The following TECRL variants were observed in gnomAD, a reference collection of about 807,000 sequenced individuals.
TECRL encodes trans-2,3-enoyl-CoA reductase-like.
In TECRL, 63 loss-of-function variants were observed where a neutral mutation model predicts 52.8. That is an observed-to-expected ratio of 1.19 (90% confidence interval 0.97 to 1.47). TECRL has a LOEUF of 1.47. Among genes scored for constraint, TECRL ranks in the 40% most tolerant of loss-of-function variants. The pLI is 0.00. For synonymous variants in TECRL, 164 were observed against 141.9 expected (o/e 1.16, Z -1.10); for missense variants, 482 against 429.6 (o/e 1.12, Z -1.08).
At chr4:64,374,944 AAAC>A (rs978645799) in intron 2 of TECRL, among the ~76,000 whole-genome samples, 2 of 152,156 alleles carry the variant, frequency 1.3e-5, no homozygotes, top group East Asian at 1.9e-4. Flanking sequence ...TATAAATTAA[AAAC>A]AACTTTGTGA....
chr4:64,380,160 A>G (rs570953296), intron 1 of TECRL, among the ~76,000 whole-genome samples: 19 of 152,084 alleles, frequency 1.2e-4, no homozygotes, highest in African/African-American at 4.3e-4. Flanking sequence ...GATGTTGACC[A>G]CTTTGTTATA....
At chr4:64,327,764 G>C (rs1009850129) in intron 3 of TECRL, among the ~76,000 whole-genome samples, 9 of 151,912 alleles carry the variant, frequency 5.9e-5, no homozygotes, top group African/African-American at 2.2e-4. Flanking sequence ...TTAAGTGCAT[G>C]TAATACCTAA....
In TECRL at chr4:64,409,202, T is replaced by G; in HGVS notation, c.150A>C (p.Pro50=). 2 of 1,612,900 alleles carry G rather than the reference T, an allele frequency of 1.2e-6. No homozygotes were observed. The highest frequency in any genetic ancestry group is 2.2e-5 in the South Asian group (2 of 91,052). Residue 50 remains proline (P), a synonymous_variant, in exon 1 of 12, where the codon CCA becomes CCC. Transcript: ENST00000381210. ...VLSAGPLRPT[P]AVKHSKTTHF... ...GAGTCGTTTTTGAATGTTTGACTGC[T>G]GGAGTTGGTCTTAGAGGGCCCGCTG...
chr4:64,393,784 C>A (rs1450835400), intron 1 of TECRL, among the ~76,000 whole-genome samples: 1 of 151,720 alleles, frequency 6.6e-6, no homozygotes, highest in Non-Finnish European at 1.5e-5. Context: ...AAATTATTAT[C>A]TGGAGTGTTC....
At chr4:64,282,893 AGTT>A in intron 9 of TECRL, among the ~76,000 whole-genome samples, 1 of 152,202 alleles carries the variant, frequency 6.6e-6, no homozygotes, top group Non-Finnish European at 1.5e-5. Context: ...CTCAACCTAT[AGTT>A]ATTATAATAG....
chr4:64,277,117 G>A (rs1483712), downstream of TECRL: 2 of 1,134,214 alleles, frequency 1.8e-6, no homozygotes, highest in Non-Finnish European at 2.5e-6. Flanking sequence ...CTTTAACTAA[G>A]GTATGTCTGC....
At chr4:64,289,849 C>T (rs998714015) in intron 8 of TECRL, 82 bp from the exon 9 acceptor site, 34 of 820,124 alleles carry the variant, frequency 4.1e-5, no homozygotes, top group Middle Eastern at 4.8e-4. Context: ...TATATAAAAT[C>T]TGTGTTGTAC....
At chr4:64,369,749 G>T (rs187739674) in intron 2 of TECRL, among the ~76,000 whole-genome samples, 9 of 151,898 alleles carry the variant, frequency 5.9e-5, no homozygotes, top group African/African-American at 2.2e-4. Flanking sequence ...TCATAGTATT[G>T]TCACAATTAT....
intron 2 of TECRL, among the ~76,000 whole-genome samples, chr4:64,345,650 T>C (rs1421034658): frequency 6.6e-6 from 1 of 151,342 alleles, no homozygotes; most frequent in African/African-American, 2.4e-5. Flanking sequence ...TGTATACATA[T>C]GTAACTAACC....
At position 64,314,695 on chromosome 4, in the gene TECRL, T is replaced by G. The variant is rs202210809; in HGVS notation, c.504A>C (p.Ile168=). The G allele has an allele frequency of 1.9e-6, 3 of 1,613,680 alleles. No homozygotes were observed. The highest frequency in any genetic ancestry group is 1.7e-6 in the Non-Finnish European group (2 of 1,179,832). ...YLLFYLRIPC[I]YDGKESARRL... ...TTCTAGCACTCTCTTTTCCATCATA[T>G]ATACATGGGATCCTCAAATAAAAGA... Residue 168 remains isoleucine (I), a synonymous_variant, in exon 5 of 12, where the codon ATA becomes ATC. Coordinates refer to ENST00000381210, the MANE Select transcript of TECRL (RefSeq NM_001010874.5).
intron 2 of TECRL, among the ~76,000 whole-genome samples, chr4:64,366,200 G>A (rs954107898): frequency 6.6e-6 from 1 of 152,058 alleles, no homozygotes; most frequent in Non-Finnish European, 1.5e-5. Context: ...GATTGAAACT[G>A]GGCATCCTTC....
intron 9 of TECRL, among the ~76,000 whole-genome samples, chr4:64,286,383 A>T (rs1206866358): frequency 1.3e-5 from 2 of 152,084 alleles, no homozygotes; most frequent in African/African-American, 2.4e-5. Context: ...GATAAAAAGA[A>T]TAGCCAAAAA....
intron 1 of TECRL, among the ~76,000 whole-genome samples, chr4:64,390,718 T>C (rs1723491890): frequency 6.6e-6 from 1 of 151,764 alleles, no homozygotes; most frequent in Non-Finnish European, 1.5e-5. Flanking sequence ...CTAGAATAAA[T>C]CTACTGACGT....
intron 7 of TECRL, among the ~76,000 whole-genome samples, chr4:64,304,187 T>A (rs1724188583): frequency 6.6e-6 from 1 of 151,942 alleles, no homozygotes; most frequent in African/African-American, 2.4e-5. Flanking sequence ...GCAATACTTC[T>A]ATGTGCTAAC....
At chr4:64,300,271 C>T (rs1262862572) in intron 7 of TECRL, among the ~76,000 whole-genome samples, 2 of 150,074 alleles carry the variant, frequency 1.3e-5, no homozygotes, top group African/African-American at 2.4e-5. Flanking sequence ...TATTAAACTC[C>T]TTGAAGGCAG....
chr4:64,370,927 T>C (rs1283888713), intron 2 of TECRL, among the ~76,000 whole-genome samples: 1 of 151,868 alleles, frequency 6.6e-6, no homozygotes, highest in Non-Finnish European at 1.5e-5. Flanking sequence ...TATGTTTTGA[T>C]ATAATTTTGA....
intron 1 of TECRL, among the ~76,000 whole-genome samples, chr4:64,380,516 A>G (rs1040964602): frequency 1.3e-5 from 2 of 151,866 alleles, no homozygotes; most frequent in Non-Finnish European, 2.9e-5. Flanking sequence ...GTTTTCTTTT[A>G]GCAGTTTATG....
At chr4:64,397,199 T>C (rs1393438985) in intron 1 of TECRL, among the ~76,000 whole-genome samples, 1 of 152,108 alleles carries the variant, frequency 6.6e-6, no homozygotes, top group Non-Finnish European at 1.5e-5. Context: ...TCATTCATTA[T>C]ATACCCAAAC....
intron 2 of TECRL, among the ~76,000 whole-genome samples, chr4:64,350,514 A>G (rs935388891): frequency 2.0e-5 from 3 of 152,146 alleles, no homozygotes; most frequent in African/African-American, 7.2e-5. Context: ...TTAACATTTT[A>G]TTATATTTTA....
Sources: gnomAD v4.1 joint callset for allele counts (sites outside exome capture counted in the v4.1 genomes callset) on GRCh38, gnomAD v4.1.1 for gene constraint, MANE v1.5 for transcripts, NCBI Gene and HGNC (gene_info 2026-07-23, HGNC 2026-07-21) for gene names.